ALPK3: variants seen among roughly 807,000 people sequenced by gnomAD.
ALPK3 encodes the protein alpha kinase 3.
ALPK3 carries 102 observed loss-of-function variants against 140.0 expected under a neutral mutation model. That is an observed-to-expected ratio of 0.73 (90% confidence interval 0.62 to 0.86). ALPK3 has a LOEUF of 0.86. Ranked by LOEUF, ALPK3 falls within the 40% of genes least tolerant of loss-of-function variation. The pLI is 0.00. For missense variants in ALPK3, 2,254 were observed against 2,208.2 expected (o/e 1.02, Z -0.42); for synonymous variants, 938 against 898.5 (o/e 1.04, Z -0.79).
At position 84,870,823 on chromosome 15, in the gene ALPK3, G is replaced by GAAGGGTGGA. The variant is rs1461009062; in HGVS notation, c.*2374_*2382dup. On this transcript the variant is annotated 3_prime_UTR_variant, in exon 14 of 14. Coordinates refer to ENST00000258888, the MANE Select transcript of ALPK3 (RefSeq NM_020778.5). Reference sequence around the variant, plus strand: ...TTGCCACATGGAATGGTGGAGTACGGAAGGGTGGAAAGGGTTTGGTAGGTA... The same window carrying GAAGGGTGGA: ...TTGCCACATGGAATGGTGGAGTACGGAAGGGTGGAAAGGGTGGAAAGGGTTTGGTAGGTA... The GAAGGGTGGA allele has an allele frequency of 2.6e-5, 4 of 152,218 alleles. No individual in the cohort carries two copies. The highest frequency in any genetic ancestry group is 9.6e-5 in the African/African-American group (4 of 41,460). 9.4% of individuals were successfully genotyped at this position (152,218 alleles called of 1,614,324 possible).
chr15:84,828,807 G>C (rs186098971), intron 3 of ALPK3, among the ~76,000 whole-genome samples: 5 of 152,318 alleles, frequency 3.3e-5, no homozygotes, highest in African/African-American at 1.2e-4. Context: ...GAAGCTGAGA[G>C]AGGCTGATGC....
Position 84,861,580 on chromosome 15 carries a change from G to A in ALPK3, c.4130-1055G>A, listed in dbSNP as rs142109144. On this transcript the variant is annotated intron_variant, in intron 9 of 13. Coordinates refer to ENST00000258888, the MANE Select transcript of ALPK3 (RefSeq NM_020778.5). Reference sequence around the variant, plus strand: ...TTATCTAGGGGTTTTGGCAGTCACTGATTATTGCCTAAATCTATTATTTCA... The same window carrying A: ...TTATCTAGGGGTTTTGGCAGTCACTAATTATTGCCTAAATCTATTATTTCA... Among the ~76,000 whole-genome samples, 232 of 152,332 alleles carry A rather than the reference G, an allele frequency of 1.5e-3. 2 individuals are homozygous for A. In the East Asian group the frequency reaches 0.035, roughly 23 times the overall value.
chr15:84,826,968 T>C (rs1017789686), intron 2 of ALPK3, among the ~76,000 whole-genome samples: 1 of 152,292 alleles, frequency 6.6e-6, no homozygotes, highest in Admixed American at 6.5e-5. Flanking sequence ...CTCACAAATG[T>C]AGGAGCTTTT....
chr15:84,868,377 C>T lies in ALPK3; in HGVS notation c.5039C>T (p.Ala1680Val). ...CCAAGTTCCAAGGCCACCCCTCAGG[C>T]CTCAGAGCCAGTCACCACTCAGTTG... ...SAPSSKATPQ[A>V]SEPVTTQLLG... The change falls in exon 14 of 14, where the codon GCC becomes GTC. Residue 1680 changes from alanine to valine, a missense_variant. Transcript: ENST00000258888. 1 of 1,613,924 alleles carries T rather than the reference C, an allele frequency of 6.2e-7. No homozygotes were observed.
Position 84,848,061 on chromosome 15 carries a change from CA to C in ALPK3, c.1653+7142del, listed in dbSNP as rs376508901. ...TGGGTGACAAAGCCAGACTTGATCT[CA>C]AAAAAAAAAAAATAAAAAGAAAAAG... is the stretch of plus-strand genomic sequence containing the variant. On this transcript the variant is annotated intron_variant, in intron 5 of 13. Coordinates refer to ENST00000258888, the MANE Select transcript of ALPK3 (RefSeq NM_020778.5). 9.5e-3 allele frequency among the ~76,000 whole-genome samples: 1,213 copies of C among 127,558 alleles called. 7 individuals are homozygous for C. The highest frequency in any genetic ancestry group is 0.02 in the South Asian group (82 of 4,166). The allele number at this position is 127,558 out of a possible 152,430, so 83.7% of individuals were successfully genotyped here.
At chr15:84,825,113 GT>G (rs1963470039) in intron 2 of ALPK3, among the ~76,000 whole-genome samples, 1 of 152,102 alleles carries the variant, frequency 6.6e-6, no homozygotes, top group Non-Finnish European at 1.5e-5. Context: ...AATGTGGAAA[GT>G]TTGAGAAGAT....
chr15:84,818,923 G>C (rs1963393440), intron 1 of ALPK3, among the ~76,000 whole-genome samples: 2 of 152,208 alleles, frequency 1.3e-5, no homozygotes, highest in Admixed American at 1.3e-4. Flanking sequence ...CCTTGTGGGA[G>C]CCTCACATTT....
chr15:84,856,935 G>T lies in ALPK3; in HGVS notation c.2197G>T (p.Gly733Cys), dbSNP rs34443853. Residue 733 changes from glycine (G) to cysteine (C), a missense_variant, in exon 6 of 14, where the codon GGC (glycine) becomes TGC (cysteine). By Grantham distance (159) the Gly-to-Cys change is radical. Coordinates refer to ENST00000258888, the MANE Select transcript of ALPK3 (RefSeq NM_020778.5). ...TGAGCAAGAGGTGGCAACCAGCCTC[G>T]GCCCACCATCCAGAACCCCCAAACT... ...QSEQEVATSLGPPSRTPKLPP... is the reference protein window; with the variant it reads ...QSEQEVATSLCPPSRTPKLPP... The T allele has an allele frequency of 1.2e-6, 2 of 1,613,948 alleles. No homozygotes were observed. The highest frequency in any genetic ancestry group is 1.7e-6 in the Non-Finnish European group (2 of 1,179,952).
Position 84,840,651 on chromosome 15 carries a change from G to A in ALPK3, c.1372G>A (p.Gly458Arg), listed in dbSNP as rs1490355067. The change falls in exon 5 of 14, where the codon GGG becomes AGG. Residue 458 changes from glycine to arginine, a missense_variant. Coordinates refer to ENST00000258888, the MANE Select transcript of ALPK3 (RefSeq NM_020778.5). ...GGCACCCCTCAGGGCTAGAAGCGAG[G>A]GGGTGCCTGGCGCTCCTGGCCAGCC... ...GKAPLRARSE[G>R]VPGAPGQPTH... 1.9e-6 allele frequency: 3 copies of A among 1,576,942 alleles called. No individual in the cohort carries two copies. The highest frequency in any genetic ancestry group is 2.7e-5 in the African/African-American group (2 of 73,654).
rs780318912 is a variant in ALPK3 at position 84,827,569 on chromosome 15, G to C, written c.268G>C (p.Glu90Gln). 28 of 1,614,038 alleles carry C rather than the reference G, an allele frequency of 1.7e-5. No homozygotes were observed. The highest frequency in any genetic ancestry group is 2.3e-5 in the Non-Finnish European group (27 of 1,180,034). The part of the protein sequence containing the change: ...ETTLKSRSVS[E>Q]DSDVRFTCIV... ...CACGCTCAAGTCCCGGTCTGTGTCC[G>C]AGGACAGCGACGTCAGGTTCACCTG... The change falls in exon 3 of 14, where the codon GAG becomes CAG. Residue 90 changes from glutamate (E) to glutamine (Q), a missense_variant. By Grantham distance (29) the Glu-to-Gln change is conservative. Transcript: ENST00000258888.
chr15:84,828,015 G>A (rs968606455), intron 3 of ALPK3, among the ~76,000 whole-genome samples: 2 of 152,220 alleles, frequency 1.3e-5, no homozygotes, highest in African/African-American at 4.8e-5. Context: ...TGCATGTGGT[G>A]ATTCTGACTA....
chr15:84,844,021 G>A (rs767056986), intron 5 of ALPK3, among the ~76,000 whole-genome samples: 17 of 152,184 alleles, frequency 1.1e-4, no homozygotes, highest in African/African-American at 1.4e-4. Context: ...ACAAGCTCAG[G>A]AGTTCAAGAC....
At chr15:84,829,414 A>T (rs6496452) in intron 3 of ALPK3, among the ~76,000 whole-genome samples, 81,053 of 152,158 alleles carry the variant, frequency 0.53, 22,447 homozygotes, top group East Asian at 0.79. Context: ...TTGCAAAGGA[A>T]AAAGAATACT....
At chr15:84,845,468 C>A (rs1963719137) in intron 5 of ALPK3, among the ~76,000 whole-genome samples, 2 of 152,012 alleles carry the variant, frequency 1.3e-5, no homozygotes. Flanking sequence ...AAGGAAGCTC[C>A]AGCTATTTGG....
chr15:84,825,573 T>C (rs747072143), intron 2 of ALPK3, among the ~76,000 whole-genome samples: 7 of 152,230 alleles, frequency 4.6e-5, no homozygotes, highest in Admixed American at 1.3e-4. Flanking sequence ...ATGATTTCCT[T>C]AGACTTGTCC....
At chr15:84,827,694 G>A (rs925342571) in intron 3 of ALPK3, 89 bp downstream of exon 3, 46 of 1,548,504 alleles carry the variant, frequency 3.0e-5, no homozygotes, top group African/African-American at 1.4e-4. Context: ...GTGGGGTGGC[G>A]GGCTGTGTGC....
rs1463559393 is a variant in ALPK3, at chr15:84,867,619, C to T, written c.4772+254C>T. Among the ~76,000 whole-genome samples, 4 of 152,142 alleles carry T rather than the reference C, an allele frequency of 2.6e-5. No homozygotes were observed. The East Asian group carries it at 7.8e-4, about 30-fold the overall frequency. On this transcript the variant is annotated intron_variant, in intron 13 of 13. Coordinates refer to ENST00000258888, the MANE Select transcript of ALPK3 (RefSeq NM_020778.5). Reference sequence around the variant, plus strand: ...GAGCTCTCACATACTCCTCCCCTCTCGCTTGAGGATGGTTGCCAAGGTGCC... The same window carrying T: ...GAGCTCTCACATACTCCTCCCCTCTTGCTTGAGGATGGTTGCCAAGGTGCC...
At chr15:84,829,392 T>C (rs540952546) in intron 3 of ALPK3, among the ~76,000 whole-genome samples, 8 of 152,332 alleles carry the variant, frequency 5.3e-5, no homozygotes, top group Non-Finnish European at 7.4e-5. Context: ...GCAAAGGAGA[T>C]AGAACAATTT....
Position 84,857,042 on chromosome 15 carries a change from A to T in ALPK3, c.2304A>T (p.Lys768Asn), listed in dbSNP as rs776562711. ...CAGAAGGGTCTTGTTTCCCAAAAAA[A>T]CCTGGTTGCCTGCCCAGATCTGAGG... ...QTPEGSCFPK[K>N]PGCLPRSEEA... is the part of the protein sequence containing the mutation. Residue 768 changes from lysine to asparagine, a missense_variant, in exon 6 of 14, where the codon AAA becomes AAT. Lys to Asn is a moderately conservative substitution (Grantham distance 94). This residue lies in a region of ALPK3 where 2,088 missense variants were observed against 2,022.9 expected (regional missense o/e 1.03). Transcript: ENST00000258888. 1.9e-5 allele frequency: 30 copies of T among 1,614,138 alleles called. No individual in the cohort carries two copies. Among genetic ancestry groups the T allele is most frequent in the Middle Eastern group, 1.6e-4 (1 of 6,062 alleles).
Sources: allele counts gnomAD v4.1 joint callset (sites outside exome capture counted in the v4.1 genomes callset), GRCh38; gene constraint gnomAD v4.1.1; regional missense constraint gnomAD v4.1.1; transcripts MANE v1.5; gene names NCBI Gene and HGNC (gene_info 2026-07-23, HGNC 2026-07-21).